The following SEC63 variants were observed in gnomAD, a reference collection of about 807,000 sequenced individuals.
SEC63 encodes the protein translocation protein SEC63 homolog.
A neutral mutation model predicts 116.2 loss-of-function variants in SEC63; 56 were observed. The observed-to-expected ratio is 0.48, with a 90% confidence interval of 0.39 to 0.60. The LOEUF is 0.60. Among genes scored for constraint, SEC63 ranks in the 20% least tolerant of loss-of-function variants. The pLI is 0.00. For missense variants in SEC63, 668 were observed against 900.0 expected (o/e 0.74, Z 3.30); for synonymous variants, 273 against 294.6 (o/e 0.93, Z 0.75).
At chr6:107,927,216 C>T (rs531303505) in intron 2 of SEC63, among the ~76,000 whole-genome samples, 36 of 152,248 alleles carry the variant, frequency 2.4e-4, no homozygotes, top group African/African-American at 8.4e-4. Flanking sequence ...GCACGCACCA[C>T]CATGCCTGGC....
intron 1 of SEC63, among the ~76,000 whole-genome samples, chr6:107,936,177 C>T (rs1770240403): frequency 6.6e-6 from 1 of 152,158 alleles, no homozygotes; most frequent in South Asian, 2.1e-4. Context: ...GGTTTTCAGC[C>T]CCTTATTCTT....
chr6:107,936,516 ATTATG>A (rs1360407755), intron 1 of SEC63, among the ~76,000 whole-genome samples: 4 of 146,248 alleles, frequency 2.7e-5, no homozygotes, highest in African/African-American at 1.0e-4. Flanking sequence ...GGCACTAAAA[ATTATG>A]TTAGGAGTAT....
chr6:107,919,298 G>A (rs1787491036), intron 4 of SEC63, among the ~76,000 whole-genome samples: 2 of 152,162 alleles, frequency 1.3e-5, no homozygotes, highest in African/African-American at 4.8e-5. Context: ...GAAATAGCAG[G>A]AGAACTAAAC....
Position 107,871,548 on chromosome 6 carries a change from C to G in SEC63, c.*156G>C. 1 of 741,810 alleles carries G rather than the reference C, an allele frequency of 1.3e-6. No homozygotes were observed. The highest frequency in any genetic ancestry group is 1.5e-5 in the South Asian group (1 of 66,230). The allele number at this position is 741,810 out of a possible 1,614,324, so 46.0% of individuals were successfully genotyped here. A position where few individuals can be genotyped will look rare whatever the true frequency, so the allele number is the denominator to read the frequency against. ...CATTTTTCAGGTTGTACCAAGGCAC[C>G]GCCACTGCCTAGTTATATTATGCAC... On this transcript the variant is annotated 3_prime_UTR_variant, in exon 21 of 21. Coordinates refer to ENST00000369002, the MANE Select transcript of SEC63 (RefSeq NM_007214.5).
intron 1 of SEC63, among the ~76,000 whole-genome samples, chr6:107,946,823 G>C (rs1770489633): frequency 6.6e-6 from 1 of 152,218 alleles, no homozygotes; most frequent in South Asian, 2.1e-4. Flanking sequence ...GGCCAACATG[G>C]AAAAACCCCG....
intron 19 of SEC63, among the ~76,000 whole-genome samples, chr6:107,873,731 TACA>T: frequency 6.6e-6 from 1 of 151,630 alleles, no homozygotes; most frequent in Non-Finnish European, 1.5e-5. Flanking sequence ...ACCAGAATAG[TACA>T]ACAAACTGGG....
chr6:107,928,504 A>G (rs1461659407), intron 2 of SEC63, among the ~76,000 whole-genome samples: 3 of 151,720 alleles, frequency 2.0e-5, no homozygotes, highest in Non-Finnish European at 2.9e-5. Flanking sequence ...AAAAAAAAAG[A>G]AAAGAAAAAT....
In SEC63 at chr6:107,869,966, T is replaced by C. The variant is rs1272518372; in HGVS notation, c.*1738A>G. 1.3e-5 allele frequency: 2 copies of C among 152,154 alleles called. No individual in the cohort carries two copies. Among genetic ancestry groups the C allele is most frequent in the Non-Finnish European group, 2.9e-5 (2 of 68,010 alleles). The allele number at this position is 152,154 out of a possible 1,614,324, so 9.4% of individuals were successfully genotyped here. A position where few individuals can be genotyped will look rare whatever the true frequency, so the allele number is the denominator to read the frequency against. On this transcript the variant is annotated 3_prime_UTR_variant, in exon 21 of 21. Transcript: ENST00000369002. ...ACTAGGAAATATGCATTCTACACAT[T>C]GTTCTGTCTTGTCTGCTCAGTTTCC...
At chr6:107,936,382 T>C (rs1035675465) in intron 1 of SEC63, among the ~76,000 whole-genome samples, 22 of 152,364 alleles carry the variant, frequency 1.4e-4, no homozygotes, top group Admixed American at 1.0e-3. Flanking sequence ...TCTGTATGAA[T>C]GACCTCAAGT....
intron 6 of SEC63, 78 bp downstream of exon 6, chr6:107,912,638 T>C: frequency 2.4e-6 from 2 of 820,108 alleles, no homozygotes; most frequent in South Asian, 1.4e-5. Context: ...ATAGTTCTTC[T>C]TGTATTACCA....
At chr6:107,929,643 C>A in intron 1 of SEC63, 129 bp from the exon 2 acceptor site, 1 of 628,992 alleles carries the variant, frequency 1.6e-6, no homozygotes, top group Non-Finnish European at 2.8e-6. Context: ...ACTGCCTATT[C>A]AAATAGCCTT....
intron 3 of SEC63, among the ~76,000 whole-genome samples, chr6:107,923,032 T>C (rs1052992913): frequency 1.3e-5 from 2 of 152,130 alleles, no homozygotes; most frequent in Non-Finnish European, 2.9e-5. Context: ...AATACATACA[T>C]ATATATTCAG....
At chr6:107,925,582 A>T (rs747319898) in intron 2 of SEC63, among the ~76,000 whole-genome samples, 2 of 152,192 alleles carry the variant, frequency 1.3e-5, no homozygotes, top group Non-Finnish European at 2.9e-5. Flanking sequence ...TGCTCCCTCC[A>T]ATGTGTTCTA....
chr6:107,908,841 C>G (rs1016583337), intron 8 of SEC63, 86 bp downstream of exon 8: 2 of 741,356 alleles, frequency 2.7e-6, no homozygotes, highest in Non-Finnish European at 4.7e-6. Context: ...AGAATCTCAA[C>G]AGTATAGAGT....
rs1198544953 is a variant in SEC63 at position 107,867,771 on chromosome 6, ATGTT to A, written c.*3929_*3932del. On this transcript the variant is annotated 3_prime_UTR_variant, in exon 21 of 21. Coordinates refer to ENST00000369002, the MANE Select transcript of SEC63 (RefSeq NM_007214.5). The stretch of plus-strand genomic sequence containing the variant: ...AAAAAAAAAATTAATGCACCAATAA[ATGTT>A]TATTTATAAATAATAGAAGTGTACA... The A allele has an allele frequency of 6.6e-6, 1 of 152,162 alleles. No homozygotes were observed. Among genetic ancestry groups the A allele is most frequent in the Non-Finnish European group, 1.5e-5 (1 of 68,034 alleles). 9.4% of individuals were successfully genotyped at this position (152,162 alleles called of 1,614,324 possible). A position where few individuals can be genotyped will look rare whatever the true frequency, so the allele number is the denominator to read the frequency against.
intron 1 of SEC63, among the ~76,000 whole-genome samples, chr6:107,941,056 A>G (rs543688971): frequency 6.6e-6 from 1 of 152,248 alleles, no homozygotes; most frequent in East Asian, 1.9e-4. Context: ...CTAGCTAAGA[A>G]GGAAAGGCAA....
At chr6:107,903,104 A>C (rs1020163663) in intron 11 of SEC63, 106 bp from the exon 12 acceptor site, 6 of 1,106,852 alleles carry the variant, frequency 5.4e-6, no homozygotes, top group Non-Finnish European at 8.1e-6. Context: ...TAACACCTCA[A>C]ATTTGAGGAT....
At chr6:107,875,005 T>C (rs974713373) in intron 19 of SEC63, among the ~76,000 whole-genome samples, 1 of 152,180 alleles carries the variant, frequency 6.6e-6, no homozygotes, top group African/African-American at 2.4e-5. Context: ...AGTAGGCCTA[T>C]GGAGAAGGTC....
In SEC63 at chr6:107,871,866, T is replaced by C; in HGVS notation, c.2140-19A>G. 1.2e-6 allele frequency: 2 copies of C among 1,612,648 alleles called. No homozygotes were observed. Among genetic ancestry groups the C allele is most frequent in the South Asian group, 1.1e-5 (1 of 91,062 alleles). On this transcript the variant is annotated intron_variant, in intron 20 of 20. Transcript: ENST00000369002. ...CTTCCAACTAGAAAGAAGAATTAAA[T>C]GTAGACATCAGAAATTTGGGGAGAA...
Sources: gnomAD v4.1 joint callset for allele counts (sites outside exome capture counted in the v4.1 genomes callset) on GRCh38, gnomAD v4.1.1 for gene constraint, MANE v1.5 for transcripts, NCBI Gene and HGNC (gene_info 2026-07-23, HGNC 2026-07-21) for gene names.